Variants in TENM3 observed in about 807,000 individuals in gnomAD.
TENM3 encodes teneurin-3.
Under a neutral mutation model 255.1 loss-of-function variants are expected in TENM3, and 63 were observed. That is an observed-to-expected ratio of 0.25 (90% CI 0.20 to 0.30). TENM3 has a LOEUF of 0.30. TENM3 is among the 10% of genes least tolerant of loss of function. TENM3 has a pLI of 1.00. For missense variants in TENM3, 2,929 were observed against 3,461.1 expected (o/e 0.85, Z 3.86); for synonymous variants, 1,306 against 1,322.3 (o/e 0.99, Z 0.27).
intron 3 of TENM3, among the ~76,000 whole-genome samples, chr4:182,379,352 G>A (rs550334313): frequency 1.1e-3 from 174 of 152,118 alleles, no homozygotes; most frequent in Non-Finnish European, 1.5e-3. Flanking sequence ...GCGAGACTCC[G>A]TCTAAGAAAG....
chr4:181,472,453 G>A, the TENM3 span, among the ~76,000 whole-genome samples: 3 of 151,450 alleles, frequency 2.0e-5, no homozygotes, highest in South Asian at 6.3e-4. Context: ...AGAGCAGGAA[G>A]GGTGGGCCCC....
intron 1 of TENM3, among the ~76,000 whole-genome samples, chr4:182,297,207 A>C (rs1580067152): frequency 6.6e-6 from 1 of 152,268 alleles, no homozygotes; most frequent in African/African-American, 2.4e-5. Flanking sequence ...AACTGGGGCC[A>C]CAGCTGAAAG....
the TENM3 span, among the ~76,000 whole-genome samples, chr4:181,662,042 A>G: frequency 6.6e-6 from 1 of 152,178 alleles, no homozygotes; most frequent in African/African-American, 2.4e-5. Flanking sequence ...TTAAGGAGCC[A>G]CCCTTCACAA....
intron 4 of TENM3, among the ~76,000 whole-genome samples, chr4:182,603,048 G>A (rs1297265815): frequency 2.0e-5 from 3 of 152,146 alleles, no homozygotes; most frequent in Non-Finnish European, 2.9e-5. Flanking sequence ...CAGTGAATTT[G>A]GAATAATTTT....
the TENM3 span, among the ~76,000 whole-genome samples, chr4:181,825,992 G>T: frequency 6.6e-6 from 1 of 152,134 alleles, no homozygotes; most frequent in Admixed American, 6.5e-5. Context: ...ACCAACACTT[G>T]CCAACTCGTG....
At chr4:182,466,034 G>T (rs1732553623) in intron 3 of TENM3, among the ~76,000 whole-genome samples, 3 of 152,064 alleles carry the variant, frequency 2.0e-5, no homozygotes, top group Admixed American at 1.3e-4. Flanking sequence ...GGTTTATTAG[G>T]CTGTTAGGCT....
intron 1 of TENM3, among the ~76,000 whole-genome samples, chr4:182,234,805 G>A (rs535915917): frequency 2.6e-5 from 4 of 152,078 alleles, no homozygotes; most frequent in African/African-American, 7.2e-5. Flanking sequence ...TGAGACAGGC[G>A]CAGGTAGACT....
the TENM3 span, among the ~76,000 whole-genome samples, chr4:181,605,058 A>C: frequency 2.6e-5 from 4 of 152,214 alleles, no homozygotes; most frequent in South Asian, 2.1e-4. Flanking sequence ...ATTTAGAGTC[A>C]CTTGAAATTA....
the TENM3 span, among the ~76,000 whole-genome samples, chr4:181,528,788 A>G: frequency 6.6e-6 from 1 of 152,188 alleles, no homozygotes; most frequent in Non-Finnish European, 1.5e-5. Context: ...GCAAGTGTGC[A>G]TACACGCTGC....
chr4:182,713,949 C>A, intron 12 of TENM3, 138 bp from the exon 13 acceptor site: 1 of 654,478 alleles, frequency 1.5e-6, no homozygotes, highest in Non-Finnish European at 2.6e-6. Context: ...GATAACGTTG[C>A]TGTTTCTATC....
chr4:182,227,650 T>TG (rs971749955), intron 1 of TENM3, among the ~76,000 whole-genome samples: 3 of 151,754 alleles, frequency 2.0e-5, no homozygotes, highest in African/African-American at 7.3e-5. Flanking sequence ...TTTTTTTTTT[T>TG]TTTTCCTTTT....
intron 3 of TENM3, among the ~76,000 whole-genome samples, chr4:182,390,604 T>C (rs1012071019): frequency 2.0e-5 from 3 of 152,224 alleles, no homozygotes; most frequent in African/African-American, 7.2e-5. Flanking sequence ...GAGACATTCC[T>C]GAATTGTCTG....
chr4:182,303,544 C>T (rs180926975), intron 1 of TENM3, among the ~76,000 whole-genome samples: 26 of 152,272 alleles, frequency 1.7e-4, no homozygotes, highest in Admixed American at 9.2e-4. Flanking sequence ...TGATAGTCAA[C>T]GCGCTGTCAT....
the TENM3 span, among the ~76,000 whole-genome samples, chr4:182,064,307 G>T: frequency 2.0e-5 from 3 of 152,190 alleles, no homozygotes; most frequent in East Asian, 5.8e-4. Flanking sequence ...GGCTGGGCGC[G>T]GTGGCTCACG....
chr4:181,974,627 G>A, the TENM3 span, among the ~76,000 whole-genome samples: 1 of 152,208 alleles, frequency 6.6e-6, no homozygotes, highest in East Asian at 1.9e-4. Flanking sequence ...GAGGGAAGCA[G>A]CAACGTGGTC....
At chr4:181,616,196 G>GA in the TENM3 span, among the ~76,000 whole-genome samples, 1 of 146,422 alleles carries the variant, frequency 6.8e-6, no homozygotes, top group Non-Finnish European at 1.5e-5. Flanking sequence ...TACACAGGCT[G>GA]AAAAGGGAAT....
rs1352442499 is a variant in TENM3 at position 182,678,812 on chromosome 4, A to G, written c.1327-854A>G. 3.3e-5 allele frequency among the ~76,000 whole-genome samples: 5 copies of G among 152,234 alleles called. No individual in the cohort carries two copies. The East Asian group carries it at 9.6e-4, about 29-fold the overall frequency. On this transcript the variant is annotated intron_variant, in intron 7 of 27. Transcript: ENST00000511685. ...GTCTAACTAAAACAAGGTTGCTGGC[A>G]ACATGGATGGAACTGGAGCTCATTG...
intron 26 of TENM3, among the ~76,000 whole-genome samples, chr4:182,795,413 C>T (rs1407641357): frequency 6.6e-6 from 1 of 152,134 alleles, no homozygotes; most frequent in Non-Finnish European, 1.5e-5. Context: ...AACTCATATA[C>T]ACTCTTACAT....
At chr4:181,941,099 C>A in the TENM3 span, among the ~76,000 whole-genome samples, 1 of 152,126 alleles carries the variant, frequency 6.6e-6, no homozygotes. Flanking sequence ...GAGGTGGAAT[C>A]AAAAATTTAG....
Sources: allele counts gnomAD v4.1 joint callset (sites outside exome capture counted in the v4.1 genomes callset), GRCh38; gene constraint gnomAD v4.1.1; transcripts MANE v1.5; gene names NCBI Gene and HGNC (gene_info 2026-07-23, HGNC 2026-07-21).